The following ILK variants were observed in gnomAD, a reference collection of about 807,000 sequenced individuals.
The protein encoded by ILK is scaffold protein ILK.
ILK carries 37 observed loss-of-function variants against 57.8 expected under a neutral mutation model. That is an observed-to-expected ratio of 0.64 (90% confidence interval 0.49 to 0.84). The LOEUF (loss-of-function observed/expected upper bound fraction) is 0.84. Ranked by LOEUF, ILK falls within the 40% of genes least tolerant of loss-of-function variation. The pLI is 0.00. For synonymous variants in ILK, 231 were observed against 202.2 expected, an observed-to-expected ratio of 1.14 and a Z score of -1.21; for missense variants, 528 against 595.7, an observed-to-expected ratio of 0.89 and a Z score of 1.18.
At position 6,610,448 on chromosome 11, in the gene ILK, T is replaced by A; in HGVS notation, c.1210-14T>A. On this transcript the variant is annotated splice_polypyrimidine_tract_variant and intron_variant, in intron 12 of 12. Coordinates refer to ENST00000299421, the MANE Select transcript of ILK (RefSeq NM_004517.4). ...ACTCAAATTGTGAGGCTGCTTTTTTTCTTGTATTCGCAGGTGGCATTGGAA... is the reference window on the plus strand; with the variant it reads ...ACTCAAATTGTGAGGCTGCTTTTTTACTTGTATTCGCAGGTGGCATTGGAA... The A allele has an allele frequency of 6.2e-7, 1 of 1,614,232 alleles. No individual in the cohort carries two copies. The highest frequency in any genetic ancestry group is 8.5e-7 in the Non-Finnish European group (1 of 1,180,042).
rs1229945021 is a variant in ILK at position 6,604,205 on chromosome 11, C to T, written c.-67C>T. 1.3e-5 allele frequency: 18 copies of T among 1,400,152 alleles called. No homozygotes were observed. The highest frequency in any genetic ancestry group is 1.7e-5 in the Non-Finnish European group (17 of 1,006,738). 86.7% of individuals were successfully genotyped at this position (1,400,152 alleles called of 1,614,324 possible). Reference sequence around the variant, plus strand: ...AGGATAAAGCTTGGGGTTCATCCTCCTTCCCTGGATCACTCCACAGTCCTC... The same window carrying T: ...AGGATAAAGCTTGGGGTTCATCCTCTTTCCCTGGATCACTCCACAGTCCTC... On this transcript the variant is annotated 5_prime_UTR_variant, in exon 2 of 13. Coordinates refer to ENST00000299421, the MANE Select transcript of ILK (RefSeq NM_004517.4).
At position 6,608,207 on chromosome 11, in the gene ILK, A is replaced by T; in HGVS notation, c.251A>T (p.Gln84Leu). 6.2e-7 allele frequency: 1 copy of T among 1,614,214 alleles called. No individual in the cohort carries two copies. The highest frequency in any genetic ancestry group is 2.2e-5 in the East Asian group (1 of 44,886). ...AASHGHRDIV[Q>L]KLLQYKADIN... ...AGTCATGGACACCGTGATATTGTAC[A>T]GAAGGTACGTACAAACTCCTTCGTC... The change falls in exon 3 of 13, where the codon CAG becomes CTG. Residue 84 changes from glutamine (Q) to leucine (L), a missense_variant. Gln to Leu is a moderately radical substitution (Grantham distance 113). Transcript: ENST00000299421. The surrounding 1 kb of genome is among the most constrained non-coding windows in gnomAD (Gnocchi z 4.9).
At chr11:6,603,877 A>G in intron 1 of ILK, 55 bp downstream of exon 1, 1 of 385,344 alleles carries the variant, frequency 2.6e-6, no homozygotes, top group East Asian at 5.2e-5. Flanking sequence ...CTGAGTCCCA[A>G]GTAAGGAACG....
At position 6,608,301 on chromosome 11, in the gene ILK, C is replaced by G; in HGVS notation, c.255+90C>G. The G allele has an allele frequency of 6.4e-7, 1 of 1,555,952 alleles. No homozygotes were observed. The highest frequency in any genetic ancestry group is 8.9e-7 in the Non-Finnish European group (1 of 1,127,010). On this transcript the variant is annotated intron_variant, in intron 3 of 12. Coordinates refer to ENST00000299421, the MANE Select transcript of ILK (RefSeq NM_004517.4). The surrounding 1 kb of genome is among the most constrained non-coding windows in gnomAD (Gnocchi z 4.9). ...TAACATACAGTAGAAAGCATGTGTG[C>G]TCTTCCCCCTTTTCCCATGCCCTGA...
At chr11:6,610,373 A>C (rs1855380153) in intron 12 of ILK, 89 bp from the exon 13 acceptor site, 1 of 1,612,830 alleles carries the variant, frequency 6.2e-7, no homozygotes, top group Admixed American at 1.7e-5. Context: ...ATTTGTTCGG[A>C]TATACAGTAA....
rs181826961 is a variant in ILK at position 6,610,299 on chromosome 11, A to G, written c.1209+21A>G. Reference sequence around the variant, plus strand: ...TGAAGGTGAGAGCACAACAGCATACATTTGTGTTGCGGGAGTGGTTGGTGA... The same window carrying G: ...TGAAGGTGAGAGCACAACAGCATACGTTTGTGTTGCGGGAGTGGTTGGTGA... On this transcript the variant is annotated intron_variant, in intron 12 of 12. Coordinates refer to ENST00000299421, the MANE Select transcript of ILK (RefSeq NM_004517.4). 158 of 1,614,068 alleles carry G rather than the reference A, an allele frequency of 9.8e-5. No homozygotes were observed. The East Asian group carries it at 3.1e-3, about 31-fold the overall frequency.
At position 6,610,639 on chromosome 11, in the gene ILK, G is replaced by A. The variant is rs768615003; in HGVS notation, c.*28G>A. The A allele has an allele frequency of 6.2e-7, 1 of 1,613,838 alleles. No individual in the cohort carries two copies. Among genetic ancestry groups the A allele is most frequent in the Non-Finnish European group, 8.5e-7 (1 of 1,179,910 alleles). On this transcript the variant is annotated 3_prime_UTR_variant, in exon 13 of 13. Transcript: ENST00000299421. ...CTGGAAGGTCCTTGCCTGAACTCCA[G>A]AGGTGTCGGGACATGGTTGGGGGAA...
intron 2 of ILK, among the ~76,000 whole-genome samples, chr11:6,605,440 T>A (rs1186241468): frequency 2.6e-5 from 4 of 151,598 alleles, no homozygotes; most frequent in Non-Finnish European, 5.9e-5. Context: ...GGGGAGGTAG[T>A]CAACGGCAGT....
At chr11:6,604,415 G>T in intron 2 of ILK, 55 bp downstream of exon 2, 1 of 1,462,120 alleles carries the variant, frequency 6.8e-7, no homozygotes, top group Non-Finnish European at 9.4e-7. Context: ...CTGGCTACGT[G>T]GAGTGGAGTG....
rs1172928587 is a variant in ILK, at chr11:6,607,995, C to T, written c.90-51C>T. ...ATTATCAGTTTTTCAGGAATCAAAA[C>T]CTTTGCCCCATCCCACCTCCAGCTC... On this transcript the variant is annotated intron_variant, in intron 2 of 12. Coordinates refer to ENST00000299421, the MANE Select transcript of ILK (RefSeq NM_004517.4). 7 of 1,592,804 alleles carry T rather than the reference C, an allele frequency of 4.4e-6. No homozygotes were observed. The African/African-American group carries it at 6.7e-5, about 15-fold the overall frequency.
chr11:6,608,836 C>T lies in ILK; in HGVS notation c.448+46C>T, dbSNP rs372234812. The T allele has an allele frequency of 8.1e-6, 13 of 1,612,470 alleles. No individual in the cohort carries two copies. Among genetic ancestry groups the T allele is most frequent in the Non-Finnish European group, 1.1e-5 (13 of 1,178,580 alleles). On this transcript the variant is annotated intron_variant, in intron 5 of 12. Coordinates refer to ENST00000299421, the MANE Select transcript of ILK (RefSeq NM_004517.4). This position sits in a 1 kb window ranked among gnomAD's most constrained non-coding sequence, Gnocchi z 4.9. ...GCTTGTGTCCTCTCGTCCCTTCCCA[C>T]CTGTCTTCTCCCTCTGTACCACAGC... is the stretch of plus-strand genomic sequence containing the variant.
intron 8 of ILK, 22 bp from the exon 9 acceptor site, chr11:6,609,490 A>G (rs1246764343): frequency 1.9e-6 from 3 of 1,613,980 alleles, no homozygotes; most frequent in African/African-American, 1.3e-5. Flanking sequence ...ACTGGGTCTC[A>G]ACCACTCCCT....
chr11:6,609,479 T>C, intron 8 of ILK, 33 bp from the exon 9 acceptor site: 1 of 1,614,136 alleles, frequency 6.2e-7, no homozygotes, highest in Non-Finnish European at 8.5e-7. Context: ...AGATCTTTTG[T>C]ACTGGGTCTC....
chr11:6,605,264 T>C (rs950608959), intron 2 of ILK, among the ~76,000 whole-genome samples: 4 of 152,112 alleles, frequency 2.6e-5, no homozygotes, highest in African/African-American at 4.8e-5. Flanking sequence ...ATCATATATA[T>C]AGATGATACT....
intron 2 of ILK, chr11:6,604,788 GTCTT>G (rs1465635271): frequency 2.2e-6 from 1 of 463,516 alleles, no homozygotes; most frequent in African/African-American, 2.0e-5. Context: ...CTATAAGAAG[GTCTT>G]TATTTTAAAA....
chr11:6,609,177 C>G (rs971181140), intron 7 of ILK, 21 bp downstream of exon 7: 1 of 1,607,112 alleles, frequency 6.2e-7, no homozygotes, highest in African/African-American at 1.3e-5. Context: ...CCCTTCTTGC[C>G]CTTCCCTCAC....
rs200920329 is a variant in ILK at position 6,608,769 on chromosome 11, C to A, written c.427C>A (p.Pro143Thr). ...GEMPVDKAKAPLRELLRERAE... is the reference protein window; with the variant it reads ...GEMPVDKAKATLRELLRERAE... ...GATGCCTGTGGACAAAGCCAAGGCA[C>A]CCCTGAGAGAGCTTCTCCGAGGTCC... Residue 143 changes from proline to threonine, a missense_variant, in exon 5 of 13, where the codon CCC (proline) becomes ACC (threonine). Physicochemically the swap from Pro to Thr is conservative, Grantham distance 38. Coordinates refer to ENST00000299421, the MANE Select transcript of ILK (RefSeq NM_004517.4). This position sits in a 1 kb window ranked among gnomAD's most constrained non-coding sequence, Gnocchi z 4.9. 2.3e-5 allele frequency: 37 copies of A among 1,613,886 alleles called. No individual in the cohort carries two copies. The highest frequency in any genetic ancestry group is 3.3e-5 in the Admixed American group (2 of 60,008).
chr11:6,608,956 G>A lies in ILK; in HGVS notation c.521G>A (p.Arg174His), dbSNP rs192233749. ...YKDTFWKGTT[R>H]TRPRNGTLNK... The stretch of plus-strand genomic sequence containing the variant: ...GACACATTCTGGAAGGGGACCACCC[G>A]CACTCGGCCCCGTGAGTCACCACTG... The change falls in exon 6 of 13, where the codon CGC (arginine) becomes CAC (histidine). Residue 174 changes from arginine (R) to histidine (H), a missense_variant. Arg to His is a conservative substitution (Grantham distance 29). Coordinates refer to ENST00000299421, the MANE Select transcript of ILK (RefSeq NM_004517.4). This position sits in a 1 kb window ranked among gnomAD's most constrained non-coding sequence, Gnocchi z 4.9. The A allele has an allele frequency of 3.4e-5, 55 of 1,614,140 alleles. No individual in the cohort carries two copies. Among genetic ancestry groups the A allele is most frequent in the Admixed American group, 1.3e-4 (8 of 60,026 alleles).
At position 6,604,308 on chromosome 11, in the gene ILK, G is replaced by T; in HGVS notation, c.37G>T (p.Ala13Ser). ...TTTCACTCAGTGCCGGGAGGGCAAC[G>T]CAGTCGCCGTTCGCCTGTGGCTGGA... is the stretch of plus-strand genomic sequence containing the variant. ...DIFTQCREGN[A>S]VAVRLWLDNT... The change falls in exon 2 of 13, where the codon GCA (alanine) becomes TCA (serine). Residue 13 changes from alanine to serine, a missense_variant. Transcript: ENST00000299421. The T allele has an allele frequency of 2.5e-6, 4 of 1,612,844 alleles. No individual in the cohort carries two copies. Among genetic ancestry groups the T allele is most frequent in the Middle Eastern group, 1.7e-4 (1 of 6,006 alleles).
Sources: gnomAD v4.1 joint callset for allele counts (sites outside exome capture counted in the v4.1 genomes callset) on GRCh38, gnomAD v4.1.1 for gene constraint, Gnocchi (gnomAD v3.1) non-coding constraint, MANE v1.5 for transcripts, NCBI Gene and HGNC (gene_info 2026-07-23, HGNC 2026-07-21) for gene names.